Variants in SPTB observed in about 807,000 individuals in gnomAD.
The protein encoded by SPTB is spectrin beta chain, erythrocytic.
In SPTB, 45 loss-of-function variants were observed where a neutral mutation model predicts 256.2. The ratio of observed to expected loss-of-function variants is 0.18; its 90% confidence interval spans 0.14 to 0.23. The LOEUF is 0.23. Ranked by LOEUF, SPTB falls within the 10% of genes least tolerant of loss-of-function variation. SPTB has a pLI of 1.00. For synonymous variants in SPTB, 1,231 were observed against 1,243.1 expected (o/e 0.99, Z 0.21); for missense variants, 2,715 against 3,040.4 (o/e 0.89, Z 2.52).
In SPTB at chr14:64,794,586, T is replaced by C; in HGVS notation, c.1676A>G (p.His559Arg). The C allele has an allele frequency of 2.5e-6, 4 of 1,614,152 alleles. No individual in the cohort carries two copies. Among genetic ancestry groups the C allele is most frequent in the Non-Finnish European group, 3.4e-6 (4 of 1,180,030 alleles). Residue 559 changes from histidine (H) to arginine (R), a missense_variant, in exon 13 of 36, where the codon CAC becomes CGC. Physicochemically the swap from His to Arg is conservative, Grantham distance 29. Transcript: ENST00000644917. ...TAGCAGGTCTTCAACCTCCAACAAG[T>C]GCTTCCCAAACTCGGCAGACAAGAG... ...AHLLSAEFGK[H>R]LLEVEDLLQK...
chr14:64,773,293 A>C lies in SPTB; in HGVS notation c.5105T>G (p.Leu1702Arg). Residue 1702 changes from leucine (L) to arginine (R), a missense_variant, in exon 25 of 36, where the codon CTG (leucine) becomes CGG (arginine). This residue lies in a region of SPTB where 2,239 missense variants were observed against 2,384.4 expected (regional missense o/e 0.94). Coordinates refer to ENST00000644917, the MANE Select transcript of SPTB (RefSeq NM_001355436.2). ...CTCCTTTTCTGAAATCCACTGCTCC[A>C]GGTCGTCGGTCTCCCGCTTGAGCTG... ...LFQLKRETDDLEQWISEKELV... is the reference protein window; with the variant it reads ...LFQLKRETDDREQWISEKELV... The C allele has an allele frequency of 2.5e-6, 4 of 1,614,134 alleles. No individual in the cohort carries two copies. The highest frequency in any genetic ancestry group is 3.4e-6 in the Non-Finnish European group (4 of 1,180,024).
At position 64,770,394 on chromosome 14, in the gene SPTB, A is replaced by G. The variant is rs527871139; in HGVS notation, c.5798+491T>C. ...GCAATAGGATGGAGATGGATCAGCA[A>G]TAACTGATGAAGTGACACAGACTGG... On this transcript the variant is annotated intron_variant, in intron 27 of 35. Transcript: ENST00000644917. Among the ~76,000 whole-genome samples, 7 of 152,304 alleles carry G rather than the reference A, an allele frequency of 4.6e-5. No individual in the cohort carries two copies. In the East Asian group the frequency reaches 1.4e-3, roughly 29 times the overall value.
At chr14:64,801,495 G>C (rs1234363648) in intron 6 of SPTB, 95 bp from the exon 7 acceptor site, 3 of 969,492 alleles carry the variant, frequency 3.1e-6, no homozygotes, top group African/African-American at 1.6e-5. Context: ...CAGAGGCAGG[G>C]AGGTGGTCAG....
chr14:64,812,570 G>C (rs559781526), intron 2 of SPTB, among the ~76,000 whole-genome samples: 1 of 151,890 alleles, frequency 6.6e-6, no homozygotes, highest in African/African-American at 2.4e-5. Context: ...ACAGGGTCAC[G>C]GCGCAGTCTC....
intron 32 of SPTB, among the ~76,000 whole-genome samples, chr14:64,763,991 C>T (rs1243115873): frequency 6.6e-6 from 1 of 152,188 alleles, no homozygotes; most frequent in Non-Finnish European, 1.5e-5. Context: ...CCACTCCCAT[C>T]AGTTCCCCCC....
At chr14:64,771,836 A>C (rs548502203) in intron 26 of SPTB, among the ~76,000 whole-genome samples, 1 of 152,304 alleles carries the variant, frequency 6.6e-6, no homozygotes, top group Non-Finnish European at 1.5e-5. Context: ...GGGCCCAGCC[A>C]ACCCTGGTGT....
chr14:64,763,857 G>C, intron 32 of SPTB: 1 of 519,054 alleles, frequency 1.9e-6, no homozygotes, highest in Non-Finnish European at 3.8e-6. Context: ...GCTTGAGAAA[G>C]AGGCTGATGT....
In SPTB at chr14:64,786,704, C is replaced by T. The variant is rs763398720; in HGVS notation, c.3261G>A (p.Glu1087=). Residue 1087 remains glutamate, a synonymous_variant, in exon 16 of 36, where the codon GAG becomes GAA. Transcript: ENST00000644917. This position sits in a 1 kb window ranked among gnomAD's most constrained non-coding sequence, Gnocchi z 5.6. ...CCTCTGGGAGGGATTCGGGCATGTCCTCAGAGGCCACAGCCTTCTGGGTGA... is the reference window on the plus strand; with the variant it reads ...CCTCTGGGAGGGATTCGGGCATGTCTTCAGAGGCCACAGCCTTCTGGGTGA... ...LSITQKAVAS[E]DMPESLPEAE... The T allele has an allele frequency of 3.1e-6, 5 of 1,614,166 alleles. No individual in the cohort carries two copies. Among genetic ancestry groups the T allele is most frequent in the Middle Eastern group, 1.6e-4 (1 of 6,062 alleles).
intron 30 of SPTB, 22 bp from the exon 31 acceptor site, chr14:64,767,374 G>A (rs1390086911): frequency 6.2e-7 from 1 of 1,613,874 alleles, no homozygotes; most frequent in South Asian, 1.1e-5. Flanking sequence ...GAAGGCCCAG[G>A]GGTCAGAGCA....
At chr14:64,766,611 G>T (rs900518685) in intron 32 of SPTB, 115 bp downstream of exon 32, 3 of 1,608,306 alleles carry the variant, frequency 1.9e-6, no homozygotes, top group African/African-American at 1.3e-5. Context: ...GGGGAGGATG[G>T]AGGGCGGGGC....
chr14:64,749,591 C>G lies in SPTB; in HGVS notation c.6819+63G>C. The G allele has an allele frequency of 1.2e-6, 2 of 1,608,714 alleles. No individual in the cohort carries two copies. The highest frequency in any genetic ancestry group is 1.7e-6 in the Non-Finnish European group (2 of 1,178,612). ...CTTCTGAGGGGGCCTCCAGGGCAAG[C>G]GGCCTGGGGTCCTCCACCTACCCCC... On this transcript the variant is annotated intron_variant, in intron 35 of 35. Transcript: ENST00000644917. This position sits in a 1 kb window ranked among gnomAD's most constrained non-coding sequence, Gnocchi z 4.7.
Position 64,786,624 on chromosome 14 carries a change from T to C in SPTB, c.3341A>G (p.Gln1114Arg). 2 of 1,614,186 alleles carry C rather than the reference T, an allele frequency of 1.2e-6. No homozygotes were observed. Among genetic ancestry groups the C allele is most frequent in the Non-Finnish European group, 1.7e-6 (2 of 1,180,030 alleles). ...AGIKDEIDGH[Q>R]DSYQRVKESG... ...CTCCTTAACACGCTGGTAGCTGTCT[T>C]GGTGCCCGTCAATCTCATCCTTGAT... The change falls in exon 16 of 36, where the codon CAA becomes CGA. Residue 1114 changes from glutamine (Q) to arginine (R), a missense_variant. Around this residue, in one of 4 missense-constraint regions of SPTB, gnomAD observed 2,239 missense variants for 2,384.4 expected, o/e 0.94. Transcript: ENST00000644917. This position sits in a 1 kb window ranked among gnomAD's most constrained non-coding sequence, Gnocchi z 5.6.
chr14:64,801,348 G>A lies in SPTB; in HGVS notation c.700C>T (p.Leu234=). The A allele has an allele frequency of 6.2e-7, 1 of 1,614,218 alleles. No individual in the cohort carries two copies. ...TCAGCCACATTGAATGCGTGCTCCAGGTTGTGCCGGGCATTGGAGTCCTTC... is the reference window on the plus strand; with the variant it reads ...TCAGCCACATTGAATGCGTGCTCCAAGTTGTGCCGGGCATTGGAGTCCTTC... ...KLKDSNARHN[L]EHAFNVAERQ... Residue 234 remains leucine, a synonymous_variant, in exon 7 of 36, where the codon CTG becomes TTG. Transcript: ENST00000644917.
At chr14:64,849,395 A>G (rs1343572382) in intron 1 of SPTB, among the ~76,000 whole-genome samples, 1 of 152,198 alleles carries the variant, frequency 6.6e-6, no homozygotes. Flanking sequence ...CTAAAAAACT[A>G]CTTTATAGGT....
rs1028709238 is a variant in SPTB at position 64,759,778 on chromosome 14, C to T, written c.6346-5985G>A. The stretch of plus-strand genomic sequence containing the variant: ...ACCTGTACCACTGAGGGCTGCCACC[C>T]ACCGGAGCAGGGGACACTCTGAAGG... On this transcript the variant is annotated intron_variant, in intron 32 of 35. Coordinates refer to ENST00000644917, the MANE Select transcript of SPTB (RefSeq NM_001355436.2). The surrounding 1 kb of genome is among the most constrained non-coding windows in gnomAD (Gnocchi z 4.8). Among the ~76,000 whole-genome samples the T allele has an allele frequency of 2.6e-5, 4 of 152,324 alleles. No individual in the cohort carries two copies. Among genetic ancestry groups the T allele is most frequent in the South Asian group, 4.1e-4 (2 of 4,832 alleles).
chr14:64,846,887 G>A (rs1232647991), intron 1 of SPTB, among the ~76,000 whole-genome samples: 1 of 152,152 alleles, frequency 6.6e-6, no homozygotes, highest in Non-Finnish European at 1.5e-5. Flanking sequence ...AGGTGAGAGA[G>A]AACATCAGGA....
At chr14:64,872,154 A>T (rs1324305994) in intron 1 of SPTB, among the ~76,000 whole-genome samples, 1 of 152,238 alleles carries the variant, frequency 6.6e-6, no homozygotes, top group East Asian at 1.9e-4. Context: ...AAATTAAAAA[A>T]AAATAGCCCA....
intron 3 of SPTB, 139 bp downstream of exon 3, chr14:64,804,800 C>G (rs979840729): frequency 8.8e-7 from 1 of 1,137,300 alleles, no homozygotes; most frequent in African/African-American, 1.6e-5. Flanking sequence ...CGGATGCTTC[C>G]CATTCTAAGT....
rs946358460 is a variant in SPTB, at chr14:64,746,709, C to T, written c.*2597G>A. The T allele has an allele frequency of 5.2e-5, 8 of 152,424 alleles. No homozygotes were observed. Among genetic ancestry groups the T allele is most frequent in the African/African-American group, 1.9e-4 (8 of 41,400 alleles). The allele number at this position is 152,424 out of a possible 1,614,324, so 9.4% of individuals were successfully genotyped here. A position where few individuals can be genotyped will look rare whatever the true frequency, so the allele number is the denominator to read the frequency against. On this transcript the variant is annotated 3_prime_UTR_variant, in exon 36 of 36. Coordinates refer to ENST00000644917, the MANE Select transcript of SPTB (RefSeq NM_001355436.2). The surrounding 1 kb of genome is among the most constrained non-coding windows in gnomAD (Gnocchi z 4.9). ...TAAGGACCCTCCACACCTCCCACAG[C>T]CAGAGTCAGTTGAGGCTGGGACAAA...
Sources: allele counts gnomAD v4.1 joint callset (sites outside exome capture counted in the v4.1 genomes callset), GRCh38; gene constraint gnomAD v4.1.1; regional missense constraint gnomAD v4.1.1; non-coding constraint Gnocchi (gnomAD v3.1); transcripts MANE v1.5; gene names NCBI Gene and HGNC (gene_info 2026-07-23, HGNC 2026-07-21).